EVI5L: variants seen among roughly 807,000 people sequenced by gnomAD.
EVI5L encodes the protein EVI5-like protein.
A neutral mutation model predicts 106.1 loss-of-function variants in EVI5L; 30 were observed. The observed-to-expected ratio is 0.28, with a 90% CI of 0.21 to 0.38. The LOEUF is 0.38. Among genes scored for constraint, EVI5L ranks in the 10% least tolerant of loss-of-function variants. EVI5L has a pLI of 1.00. For missense variants in EVI5L, 809 were observed against 1,098.0 expected (o/e 0.74, Z 3.72); for synonymous variants, 489 against 483.3 (o/e 1.01, Z -0.15).
rs141315535 is a variant in EVI5L, at chr19:7,853,165, A to G, written c.1067A>G (p.Asn356Ser). 1 of 1,613,986 alleles carries G rather than the reference A, an allele frequency of 6.2e-7. No homozygotes were observed. Among genetic ancestry groups the G allele is most frequent in the Non-Finnish European group, 8.5e-7 (1 of 1,180,032 alleles). The change falls in exon 9 of 20, where the codon AAC becomes AGC. Residue 356 changes from asparagine to serine, a missense_variant. Asn to Ser is a conservative substitution (Grantham distance 46). This residue lies in a region of EVI5L where 357 missense variants were observed against 588.1 expected (regional missense o/e 0.61). Transcript: ENST00000538904. Reference sequence around the variant, plus strand: ...CTCAAAGCCTACCAGGTCAAGTACAACCCCAAGAAGATGAAGAGGTCGGTG... The same window carrying G: ...CTCAAAGCCTACCAGGTCAAGTACAGCCCCAAGAAGATGAAGAGGTCGGTG... ...LVLKAYQVKY[N>S]PKKMKRLEKE...
chr19:7,857,138 T>G lies in EVI5L; in HGVS notation c.1233+14T>G. 6.4e-7 allele frequency: 1 copy of G among 1,551,642 alleles called. No individual in the cohort carries two copies. Among genetic ancestry groups the G allele is most frequent in the Non-Finnish European group, 8.7e-7 (1 of 1,147,004 alleles). On this transcript the variant is annotated intron_variant, in intron 12 of 19. Coordinates refer to ENST00000538904, the MANE Select transcript of EVI5L (RefSeq NM_001159944.3). The surrounding 1 kb of genome is among the most constrained non-coding windows in gnomAD (Gnocchi z 4.5). ...AGGTTAATCCAGGTACTGTAGCTTT[T>G]TATCCCCTCTCCGGATTCCTTCCTG...
Position 7,846,475 on chromosome 19 carries a change from A to G in EVI5L, c.-47-21A>G, listed in dbSNP as rs1599567356. On this transcript the variant is annotated intron_variant, in intron 1 of 19. Transcript: ENST00000538904. ...AGTGGGCTCCCACCCAATGCCGACCACGCATGTCTCTGGCCCCCAGACAGA... is the reference window on the plus strand; with the variant it reads ...AGTGGGCTCCCACCCAATGCCGACCGCGCATGTCTCTGGCCCCCAGACAGA... 13 of 1,532,296 alleles carry G rather than the reference A, an allele frequency of 8.5e-6. No individual in the cohort carries two copies. The East Asian group carries it at 2.8e-4, about 33-fold the overall frequency. The allele number at this position is 1,532,296 out of a possible 1,614,324, so 94.9% of individuals were successfully genotyped here. A position where few individuals can be genotyped will look rare whatever the true frequency, so the allele number is the denominator to read the frequency against.
chr19:7,848,847 G>A lies in EVI5L; in HGVS notation c.328-74G>A, dbSNP rs1599569235. Reference sequence around the variant, plus strand: ...GAGGCCTGGATGAGCCACGCCTGAGGAGCTGGGCTGGGTGGCCACGGGGAG... The same window carrying A: ...GAGGCCTGGATGAGCCACGCCTGAGAAGCTGGGCTGGGTGGCCACGGGGAG... On this transcript the variant is annotated intron_variant, in intron 3 of 19. Transcript: ENST00000538904. This position sits in a 1 kb window ranked among gnomAD's most constrained non-coding sequence, Gnocchi z 4.8. 1.4e-6 allele frequency: 2 copies of A among 1,445,590 alleles called. No homozygotes were observed. The highest frequency in any genetic ancestry group is 2.4e-5 in the East Asian group (1 of 42,384). The allele number at this position is 1,445,590 out of a possible 1,614,324, so 89.5% of individuals were successfully genotyped here.
At chr19:7,860,761 G>C (rs1228670669) in intron 14 of EVI5L, 72 bp downstream of exon 14, 1 of 1,461,412 alleles carries the variant, frequency 6.8e-7, no homozygotes, top group African/African-American at 1.4e-5. Context: ...GATAAGCTTT[G>C]GGAGTGACCC....
chr19:7,857,845 G>T lies in EVI5L; in HGVS notation c.1234-346G>T, dbSNP rs755042376. On this transcript the variant is annotated intron_variant, in intron 12 of 19. Transcript: ENST00000538904. The surrounding 1 kb of genome is among the most constrained non-coding windows in gnomAD (Gnocchi z 4.5). ...CTGTCCCCAGATCCTCACCCTCACC[G>T]GCAGAGTCTGGCATGAATAGGCACA... 8.4e-5 allele frequency: 23 copies of T among 273,576 alleles called. No homozygotes were observed. The South Asian group carries it at 1.1e-3, about 13-fold the overall frequency. 16.9% of individuals were successfully genotyped at this position (273,576 alleles called of 1,614,324 possible). A position where few individuals can be genotyped will look rare whatever the true frequency, so the allele number is the denominator to read the frequency against.
chr19:7,847,595 G>A (rs1258742427), intron 2 of EVI5L, 137 bp from the exon 3 acceptor site: 17 of 664,306 alleles, frequency 2.6e-5, no homozygotes, highest in Admixed American at 2.0e-4. Flanking sequence ...CAAAGAAGAA[G>A]AAAAAAAAAA....
At chr19:7,841,640 G>A (rs1389673917) in intron 1 of EVI5L, among the ~76,000 whole-genome samples, 1 of 152,154 alleles carries the variant, frequency 6.6e-6, no homozygotes, top group African/African-American at 2.4e-5. Flanking sequence ...CAGGGTCCAG[G>A]ACCCCCCTTC....
chr19:7,860,737 C>T (rs1200829967), intron 14 of EVI5L, 48 bp downstream of exon 14: 1 of 1,519,584 alleles, frequency 6.6e-7, no homozygotes, highest in Non-Finnish European at 8.8e-7. Flanking sequence ...CCCTGGGGCA[C>T]AGGAGGGGTC....
In EVI5L at chr19:7,830,279, G is replaced by C. The variant is rs1978289635; in HGVS notation, c.-150G>C. The stretch of plus-strand genomic sequence containing the variant: ...GGCCGCGGTCCCGGGGGGCGGCTGA[G>C]GGGGCCGGGCCGGGGCTGCGGGGCG... On this transcript the variant is annotated 5_prime_UTR_variant, in exon 1 of 20. Transcript: ENST00000538904. 1 of 151,702 alleles carries C rather than the reference G, an allele frequency of 6.6e-6. No individual in the cohort carries two copies. Among genetic ancestry groups the C allele is most frequent in the East Asian group, 1.9e-4 (1 of 5,174 alleles). 9.4% of individuals were successfully genotyped at this position (151,702 alleles called of 1,614,324 possible). A position where few individuals can be genotyped will look rare whatever the true frequency, so the allele number is the denominator to read the frequency against.
intron 1 of EVI5L, among the ~76,000 whole-genome samples, chr19:7,844,544 A>C (rs577119054): frequency 6.6e-6 from 1 of 152,156 alleles, no homozygotes; most frequent in South Asian, 2.1e-4. Context: ...CCCTGCCCAG[A>C]GAGGTCCTTC....
At position 7,856,246 on chromosome 19, in the gene EVI5L, G is replaced by T. The variant is rs1178459310; in HGVS notation, c.1200+178G>T. Reference sequence around the variant, plus strand: ...CCCGATTTGGAGTGCCCTGCAACTGGGGGCGACTCGTATGGTGATTAATCC... The same window carrying T: ...CCCGATTTGGAGTGCCCTGCAACTGTGGGCGACTCGTATGGTGATTAATCC... On this transcript the variant is annotated intron_variant, in intron 11 of 19. Coordinates refer to ENST00000538904, the MANE Select transcript of EVI5L (RefSeq NM_001159944.3). This position sits in a 1 kb window ranked among gnomAD's most constrained non-coding sequence, Gnocchi z 6.6. Among the ~76,000 whole-genome samples, 1 of 152,136 alleles carries T rather than the reference G, an allele frequency of 6.6e-6. No individual in the cohort carries two copies. The highest frequency in any genetic ancestry group is 1.5e-5 in the Non-Finnish European group (1 of 68,014).
rs927319136 is a variant in EVI5L at position 7,863,364 on chromosome 19, C to T, written c.2140-60C>T. 2.6e-6 allele frequency: 4 copies of T among 1,538,376 alleles called. No homozygotes were observed. The highest frequency in any genetic ancestry group is 2.0e-5 in the Admixed American group (1 of 50,606). Reference sequence around the variant, plus strand: ...GAGCGCAGGTGCCTTGCGGAGGATGCGGCTGGGAGGGCGGGGCAGAAGGCC... The same window carrying T: ...GAGCGCAGGTGCCTTGCGGAGGATGTGGCTGGGAGGGCGGGGCAGAAGGCC... On this transcript the variant is annotated intron_variant, in intron 19 of 19. Coordinates refer to ENST00000538904, the MANE Select transcript of EVI5L (RefSeq NM_001159944.3). This position sits in a 1 kb window ranked among gnomAD's most constrained non-coding sequence, Gnocchi z 7.7.
At chr19:7,836,267 A>G (rs1978341239) in intron 1 of EVI5L, among the ~76,000 whole-genome samples, 1 of 152,112 alleles carries the variant, frequency 6.6e-6, no homozygotes, top group Non-Finnish European at 1.5e-5. Flanking sequence ...AATGGGGGGT[A>G]GGGGAGTAAG....
chr19:7,858,087 C>T lies in EVI5L; in HGVS notation c.1234-104C>T, dbSNP rs1042990587. ...TACGGGAGGCCCCCACCTCACTTCC[C>T]CCCACCTCCACTCTCTGGGCCTCCC... On this transcript the variant is annotated intron_variant, in intron 12 of 19. Transcript: ENST00000538904. This position sits in a 1 kb window ranked among gnomAD's most constrained non-coding sequence, Gnocchi z 5.7. 34 of 1,391,840 alleles carry T rather than the reference C, an allele frequency of 2.4e-5. No homozygotes were observed. Among genetic ancestry groups the T allele is most frequent in the Non-Finnish European group, 3.2e-5 (33 of 1,031,412 alleles). 86.2% of individuals were successfully genotyped at this position (1,391,840 alleles called of 1,614,324 possible). A position where few individuals can be genotyped will look rare whatever the true frequency, so the allele number is the denominator to read the frequency against.
chr19:7,831,226 AACACACACACACACACAC>A (rs4045095), intron 1 of EVI5L, among the ~76,000 whole-genome samples: 1,984 of 130,422 alleles, frequency 0.015, 58 homozygotes, highest in African/African-American at 0.051. Context: ...GAAAACCCCA[AACACACACACACACACAC>A]ACACACACAC....
chr19:7,863,905 C>A lies in EVI5L; in HGVS notation c.*203C>A. On this transcript the variant is annotated 3_prime_UTR_variant, in exon 20 of 20. Transcript: ENST00000538904. The surrounding 1 kb of genome is among the most constrained non-coding windows in gnomAD (Gnocchi z 7.7). ...AGGGCCCCGGGGCAGGCTCTCTATCCCCAGCAGTGTTTACCCATCTTGGTC... is the reference window on the plus strand; with the variant it reads ...AGGGCCCCGGGGCAGGCTCTCTATCACCAGCAGTGTTTACCCATCTTGGTC... The A allele has an allele frequency of 1.5e-6, 1 of 647,604 alleles. No homozygotes were observed. The highest frequency in any genetic ancestry group is 2.5e-6 in the Non-Finnish European group (1 of 406,964). 40.1% of individuals were successfully genotyped at this position (647,604 alleles called of 1,614,324 possible).
rs2146436049 is a variant in EVI5L at position 7,858,141 on chromosome 19, G to T, written c.1234-50G>T. The T allele has an allele frequency of 1.3e-6, 2 of 1,532,898 alleles. No homozygotes were observed. Among genetic ancestry groups the T allele is most frequent in the African/African-American group, 1.4e-5 (1 of 72,896 alleles). The allele number at this position is 1,532,898 out of a possible 1,614,324, so 95.0% of individuals were successfully genotyped here. A position where few individuals can be genotyped will look rare whatever the true frequency, so the allele number is the denominator to read the frequency against. ...GTGGCGGGAGGCAGGGCCTTGGGTG[G>T]GAGCCGAGGGTCACGGCCTCCCCCT... is the stretch of plus-strand genomic sequence containing the variant. On this transcript the variant is annotated intron_variant, in intron 12 of 19. Transcript: ENST00000538904. This position sits in a 1 kb window ranked among gnomAD's most constrained non-coding sequence, Gnocchi z 5.7.
intron 1 of EVI5L, among the ~76,000 whole-genome samples, chr19:7,843,635 G>T (rs1043275969): frequency 6.8e-6 from 1 of 147,292 alleles, no homozygotes; most frequent in African/African-American, 2.5e-5. Context: ...AGGCATGAGG[G>T]TGTGTGTCGA....
chr19:7,851,643 C>A, intron 7 of EVI5L, 38 bp from the exon 8 acceptor site: 1 of 1,591,564 alleles, frequency 6.3e-7, no homozygotes, highest in Non-Finnish European at 8.5e-7. Context: ...AGGAGCCTCC[C>A]TGCCCTCCAC....
Sources: gnomAD v4.1 joint callset for allele counts (sites outside exome capture counted in the v4.1 genomes callset) on GRCh38, gnomAD v4.1.1 for gene constraint, gnomAD v4.1.1 regional missense constraint, Gnocchi (gnomAD v3.1) non-coding constraint, MANE v1.5 for transcripts, NCBI Gene and HGNC (gene_info 2026-07-23, HGNC 2026-07-21) for gene names.